Variants in KIF13A observed in about 807,000 individuals in gnomAD.
KIF13A encodes kinesin-like protein KIF13A.
In KIF13A, 79 loss-of-function variants were observed where a neutral mutation model predicts 212.2. The observed-to-expected ratio is 0.37, with a 90% confidence interval of 0.31 to 0.45. The LOEUF (loss-of-function observed/expected upper bound fraction) is 0.45. Among genes scored for constraint, KIF13A ranks in the 20% least tolerant of loss-of-function variants. The pLI is 1.00. For missense variants in KIF13A, 1,901 were observed against 2,209.0 expected (o/e 0.86, Z 2.79); for synonymous variants, 789 against 808.6 (o/e 0.98, Z 0.41).
chr6:17,881,457 A>AC (rs1197224361), intron 3 of KIF13A: 4 of 429,014 alleles, frequency 9.3e-6, no homozygotes, highest in African/African-American at 8.4e-5. Context: ...AAAAAAAAAA[A>AC]AGGCCAGGCA....
Position 17,982,788 on chromosome 6 carries a change from A to T in KIF13A, c.146+4266T>A, listed in dbSNP as rs561113878. Among the ~76,000 whole-genome samples, 158 of 152,342 alleles carry T rather than the reference A, an allele frequency of 1.0e-3. No homozygotes were observed. Among genetic ancestry groups the T allele is most frequent in the Admixed American group, 2.0e-3 (31 of 15,306 alleles). ...AAAAGTCACGGGGATCAGACCCGTA[A>T]GCCAACCACCTATATTTTAAAAACC... On this transcript the variant is annotated intron_variant, in intron 2 of 38. Transcript: ENST00000259711. This position sits in a 1 kb window ranked among gnomAD's most constrained non-coding sequence, Gnocchi z 5.1.
At chr6:17,800,677 T>G (rs1324665738) in intron 20 of KIF13A, among the ~76,000 whole-genome samples, 1 of 151,538 alleles carries the variant, frequency 6.6e-6, no homozygotes, top group Non-Finnish European at 1.5e-5. Flanking sequence ...CTCGGCTCAC[T>G]GCAACCTCCA....
rs567904856 is a variant in KIF13A, at chr6:17,833,976, T to G, written c.1251A>C (p.Thr417=). 1.3e-6 allele frequency: 2 copies of G among 1,577,864 alleles called. No homozygotes were observed. Among genetic ancestry groups the G allele is most frequent in the African/African-American group, 2.7e-5 (2 of 73,094 alleles). Reference sequence around the variant, plus strand: ...ATCAAGCTACCTGTGCTATCTCTTCTGTTTTTCTCAGCTTCTCTTCCCAAG... The same window carrying G: ...ATCAAGCTACCTGTGCTATCTCTTCGGTTTTTCTCAGCTTCTCTTCCCAAG... ...TVTWEEKLRK[T]EEIAQERQRQ... Residue 417 remains threonine (T), a synonymous_variant, in exon 12 of 39, where the codon ACA becomes ACC. Coordinates refer to ENST00000259711, the MANE Select transcript of KIF13A (RefSeq NM_022113.6).
At chr6:17,781,100 T>C (rs1760531807) in intron 30 of KIF13A, 77 bp downstream of exon 30, 2 of 1,564,318 alleles carry the variant, frequency 1.3e-6, no homozygotes, top group South Asian at 1.1e-5. Context: ...AAGCAAACCA[T>C]AGCAGTTTAG....
Position 17,850,310 on chromosome 6 carries a change from C to T in KIF13A, c.717+13G>A, listed in dbSNP as rs1767516714. The T allele has an allele frequency of 6.8e-6, 11 of 1,608,346 alleles. No homozygotes were observed. Among genetic ancestry groups the T allele is most frequent in the Non-Finnish European group, 9.3e-6 (11 of 1,176,686 alleles). On this transcript the variant is annotated intron_variant, in intron 8 of 38. Transcript: ENST00000259711. This position sits in a 1 kb window ranked among gnomAD's most constrained non-coding sequence, Gnocchi z 6.2. ...CCACCCCCACTCCAAAAAGGTTCTG[C>T]CTAATCCCTTACCCCAGACTGCAGG...
chr6:17,778,966 C>T lies in KIF13A; in HGVS notation c.4073G>A (p.Ser1358Asn), dbSNP rs772409670. 1.9e-6 allele frequency: 3 copies of T among 1,602,792 alleles called. No homozygotes were observed. The highest frequency in any genetic ancestry group is 4.5e-5 in the East Asian group (2 of 44,556). Reference protein sequence around the residue: ...RGVLQVENILSLERLRQAVTV... With the variant: ...RGVLQVENILNLERLRQAVTV... ...ACTTGCCTGCCGGAGCCGTTCAAGA[C>T]TCAGAATGTTTTCCACCTGCAGCAC... The change falls in exon 33 of 39, where the codon AGT becomes AAT. Residue 1358 changes from serine to asparagine, a missense_variant. By Grantham distance (46) the Ser-to-Asn change is conservative (BLOSUM62 1). Transcript: ENST00000259711.
chr6:17,969,498 G>C (rs1277413619), intron 2 of KIF13A, among the ~76,000 whole-genome samples: 3 of 152,176 alleles, frequency 2.0e-5, no homozygotes, highest in Admixed American at 2.0e-4. Flanking sequence ...TGATTTCTGA[G>C]GAAATGACTG....
rs1772145779 is a variant in KIF13A at position 17,892,383 on chromosome 6, C to T, written c.159+5785G>A. Among the ~76,000 whole-genome samples the T allele has an allele frequency of 6.6e-6, 1 of 152,124 alleles. No homozygotes were observed. The highest frequency in any genetic ancestry group is 2.4e-5 in the African/African-American group (1 of 41,420). On this transcript the variant is annotated intron_variant, in intron 3 of 38. Transcript: ENST00000259711. The surrounding 1 kb of genome is among the most constrained non-coding windows in gnomAD (Gnocchi z 4.7). ...TCTGATGTATTTTACTGAATACTACCACTAGCCTCCCTACTGATCAAGCTT... is the reference window on the plus strand; with the variant it reads ...TCTGATGTATTTTACTGAATACTACTACTAGCCTCCCTACTGATCAAGCTT...
At chr6:17,945,509 AC>A (rs1444859412) in intron 2 of KIF13A, among the ~76,000 whole-genome samples, 1 of 152,216 alleles carries the variant, frequency 6.6e-6, no homozygotes, top group Non-Finnish European at 1.5e-5. Flanking sequence ...AAATTAAAAT[AC>A]CACTTGTGAT....
chr6:17,833,972 CTT>C lies in KIF13A; in HGVS notation c.1253_1254del (p.Glu418GlyfsTer11). On this transcript the variant is annotated frameshift_variant, in exon 12 of 39. Coordinates refer to ENST00000259711, the MANE Select transcript of KIF13A (RefSeq NM_022113.6). LOFTEE classifies it high-confidence loss of function. ...VTWEEKLRKTEEIAQERQRQL... is the reference protein window; with the variant it reads ...VTWEEKLRKTXEIAQERQRQL... ...AATTATCAAGCTACCTGTGCTATCT[CTT>C]CTGTTTTTCTCAGCTTCTCTTCCCA... The C allele has an allele frequency of 6.4e-7, 1 of 1,569,436 alleles. No homozygotes were observed.
rs1323105546 is a variant in KIF13A at position 17,847,114 on chromosome 6, C to T, written c.830+2263G>A. On this transcript the variant is annotated intron_variant, in intron 9 of 38. Transcript: ENST00000259711. The stretch of plus-strand genomic sequence containing the variant: ...GTTAGTGGTCATTCCACATCTACGC[C>T]AGTCATACACACACACACACTCTAA... Among the ~76,000 whole-genome samples the T allele has an allele frequency of 2.0e-5, 3 of 151,244 alleles. No homozygotes were observed. In the East Asian group the frequency reaches 5.8e-4, roughly 29 times the overall value.
At chr6:17,803,413 T>TA (rs1477345410) in intron 20 of KIF13A, among the ~76,000 whole-genome samples, 1 of 152,082 alleles carries the variant, frequency 6.6e-6, no homozygotes, top group Non-Finnish European at 1.5e-5. Context: ...GCTGTGCACT[T>TA]ACACCCCACA....
At chr6:17,854,784 C>A (rs1038491738) in intron 6 of KIF13A, among the ~76,000 whole-genome samples, 1 of 151,860 alleles carries the variant, frequency 6.6e-6, no homozygotes, top group African/African-American at 2.4e-5. Context: ...AACTCCTGAC[C>A]TCAGATGATC....
Position 17,855,661 on chromosome 6 carries a change from CA to C in KIF13A, c.314-45del. On this transcript the variant is annotated intron_variant, in intron 5 of 38. Transcript: ENST00000259711. This position sits in a 1 kb window ranked among gnomAD's most constrained non-coding sequence, Gnocchi z 4.1. ...AAAGAAGAACAGGTAGAGGAGGGAG[CA>C]AAATGCAATGCTTCAACCATACAAG... The C allele has an allele frequency of 6.8e-7, 1 of 1,471,286 alleles. No homozygotes were observed. Among genetic ancestry groups the C allele is most frequent in the Non-Finnish European group, 9.2e-7 (1 of 1,083,042 alleles). The allele number at this position is 1,471,286 out of a possible 1,614,324, so 91.1% of individuals were successfully genotyped here. A position where few individuals can be genotyped will look rare whatever the true frequency, so the allele number is the denominator to read the frequency against.
In KIF13A at chr6:17,804,342, A is replaced by C. The variant is rs1485825241; in HGVS notation, c.2454+19T>G. On this transcript the variant is annotated intron_variant, in intron 20 of 38. Transcript: ENST00000259711. ...AAAACTTGAACCACCATCGTTCTCCAAGGCTGGCCTGTGCTTACCTCCCCC... is the reference window on the plus strand; with the variant it reads ...AAAACTTGAACCACCATCGTTCTCCCAGGCTGGCCTGTGCTTACCTCCCCC... 1.3e-6 allele frequency: 2 copies of C among 1,488,470 alleles called. No homozygotes were observed. Among genetic ancestry groups the C allele is most frequent in the South Asian group, 1.3e-5 (1 of 74,930 alleles). 92.2% of individuals were successfully genotyped at this position (1,488,470 alleles called of 1,614,324 possible). A position where few individuals can be genotyped will look rare whatever the true frequency, so the allele number is the denominator to read the frequency against.
At chr6:17,930,150 G>A (rs557339492) in intron 2 of KIF13A, among the ~76,000 whole-genome samples, 18 of 152,194 alleles carry the variant, frequency 1.2e-4, no homozygotes, top group Admixed American at 2.6e-4. Context: ...CAAGTGCTAC[G>A]GAAACTAGAA....
At chr6:17,853,322 G>A (rs1767840431) in intron 6 of KIF13A, among the ~76,000 whole-genome samples, 1 of 152,148 alleles carries the variant, frequency 6.6e-6, no homozygotes, top group Non-Finnish European at 1.5e-5. Context: ...TCAGCAGCAA[G>A]AAAAAGCAAA....
Position 17,837,211 on chromosome 6 carries a change from G to C in KIF13A, c.943-121C>G. On this transcript the variant is annotated intron_variant, in intron 10 of 38. Coordinates refer to ENST00000259711, the MANE Select transcript of KIF13A (RefSeq NM_022113.6). This position sits in a 1 kb window ranked among gnomAD's most constrained non-coding sequence, Gnocchi z 5.4. Reference sequence around the variant, plus strand: ...ATGAAGGAAACATTATGTGGAAATGGACTTGCATTTCACAAATAACGTCAT... The same window carrying C: ...ATGAAGGAAACATTATGTGGAAATGCACTTGCATTTCACAAATAACGTCAT... The C allele has an allele frequency of 1.1e-6, 1 of 898,340 alleles. No homozygotes were observed. The highest frequency in any genetic ancestry group is 1.7e-6 in the Non-Finnish European group (1 of 574,088). The allele number at this position is 898,340 out of a possible 1,614,324, so 55.6% of individuals were successfully genotyped here. A position where few individuals can be genotyped will look rare whatever the true frequency, so the allele number is the denominator to read the frequency against.
chr6:17,951,537 T>C lies in KIF13A; in HGVS notation c.146+35517A>G. 2.4e-6 allele frequency: 1 copy of C among 425,472 alleles called. No homozygotes were observed. The highest frequency in any genetic ancestry group is 3.5e-5 in the East Asian group (1 of 28,232). 26.4% of individuals were successfully genotyped at this position (425,472 alleles called of 1,614,324 possible). A position where few individuals can be genotyped will look rare whatever the true frequency, so the allele number is the denominator to read the frequency against. On this transcript the variant is annotated intron_variant, in intron 2 of 38. Transcript: ENST00000259711. The surrounding 1 kb of genome is among the most constrained non-coding windows in gnomAD (Gnocchi z 4.9). ...GTGATTTTTAGCATATTCACAGAGTTATGTGGCTATCACCACAACTGCAGA... is the reference window on the plus strand; with the variant it reads ...GTGATTTTTAGCATATTCACAGAGTCATGTGGCTATCACCACAACTGCAGA...
Sources: gnomAD v4.1 joint callset for allele counts (sites outside exome capture counted in the v4.1 genomes callset) on GRCh38, gnomAD v4.1.1 for gene constraint, Gnocchi (gnomAD v3.1) non-coding constraint, MANE v1.5 for transcripts, NCBI Gene and HGNC (gene_info 2026-07-23, HGNC 2026-07-21) for gene names.